MALRD1: variants seen among roughly 807,000 people sequenced by gnomAD.
MALRD1 encodes the protein MAM and LDL receptor class A domain containing 1.
A neutral mutation model predicts 242.1 loss-of-function variants in MALRD1; 247 were observed. That is an observed-to-expected ratio of 1.02 (90% CI 0.92 to 1.13). The LOEUF is 1.13. MALRD1 is among the 50% of genes most tolerant of loss of function. The pLI is 0.00. For missense variants in MALRD1, 2,989 were observed against 2,533.1 expected (o/e 1.18, Z -3.86); for synonymous variants, 995 against 866.6 (o/e 1.15, Z -2.60).
chr10:19,379,449 A>C (rs1289813160), intron 26 of MALRD1, among the ~76,000 whole-genome samples: 1 of 152,084 alleles, frequency 6.6e-6, no homozygotes, highest in African/African-American at 2.4e-5. Context: ...TGTTACCTGA[A>C]CTGCTTTACC....
rs1834663858 is a variant in MALRD1, at chr10:19,165,799, C to T, written c.1819C>T (p.Leu607=). The change falls in exon 13 of 40, where the codon CTA becomes TTA. Residue 607 remains leucine, a synonymous_variant. Transcript: ENST00000454679. The part of the protein sequence containing the change: ...DLIAEAGEST[L]PFQLILEATV... ...CATTGCAGAAGCGGGAGAATCTACT[C>T]TACCTTTTCAGGTAAGCACATACGA... The T allele has an allele frequency of 1.6e-6, 2 of 1,231,560 alleles. No homozygotes were observed. The highest frequency in any genetic ancestry group is 8.4e-5 in the Admixed American group (2 of 23,700). 76.3% of individuals were successfully genotyped at this position (1,231,560 alleles called of 1,614,324 possible). A position where few individuals can be genotyped will look rare whatever the true frequency, so the allele number is the denominator to read the frequency against.
chr10:19,104,516 A>G (rs148248812), intron 5 of MALRD1, among the ~76,000 whole-genome samples: 15 of 152,238 alleles, frequency 9.9e-5, no homozygotes, highest in African/African-American at 3.1e-4. Context: ...AACTACATAT[A>G]TCAGATATAA....
At chr10:19,348,916 T>A (rs1203895306) in intron 25 of MALRD1, among the ~76,000 whole-genome samples, 1 of 152,188 alleles carries the variant, frequency 6.6e-6, no homozygotes, top group Non-Finnish European at 1.5e-5. Flanking sequence ...TGTTCCCCAA[T>A]GTTTGACCTC....
Position 19,539,649 on chromosome 10 carries a change from C to T in MALRD1, c.5478+8298C>T, listed in dbSNP as rs577272243. On this transcript the variant is annotated intron_variant, in intron 32 of 39. Coordinates refer to ENST00000454679, the MANE Select transcript of MALRD1 (RefSeq NM_001142308.3). ...GTCTTACCAATAGTTGCCTGTGAGA[C>T]ATGCCACGCAATCCTTTTGTTCTGC... Among the ~76,000 whole-genome samples the T allele has an allele frequency of 3.3e-5, 5 of 152,018 alleles. No individual in the cohort carries two copies. The South Asian group carries it at 8.3e-4, about 25-fold the overall frequency.
chr10:19,077,645 A>G (rs1427501417), intron 2 of MALRD1, among the ~76,000 whole-genome samples: 2 of 151,944 alleles, frequency 1.3e-5, no homozygotes, highest in East Asian at 3.9e-4. Context: ...AGTAGACTCT[A>G]AATCTACTAT....
intron 36 of MALRD1, 35 bp from the exon 37 acceptor site, chr10:19,692,246 CT>C (rs34078441): frequency 6.8e-7 from 1 of 1,469,226 alleles, no homozygotes; most frequent in Admixed American, 2.1e-5. Flanking sequence ...TTTCACTTTT[CT>C]TTTTTCCAAC....
intron 36 of MALRD1, among the ~76,000 whole-genome samples, chr10:19,620,008 A>G (rs927242692): frequency 4.6e-5 from 2 of 43,684 alleles, no homozygotes; most frequent in Non-Finnish European, 1.3e-4. Context: ...TCCTGTCTCA[A>G]TAATAATAAT....
At chr10:19,304,442 T>C (rs1016744323) in intron 21 of MALRD1, among the ~76,000 whole-genome samples, 3 of 151,726 alleles carry the variant, frequency 2.0e-5, no homozygotes, top group African/African-American at 7.3e-5. Flanking sequence ...TTGACTAATA[T>C]AGCATATCCG....
At chr10:19,452,864 AC>A (rs2131051585) in intron 29 of MALRD1, among the ~76,000 whole-genome samples, 1 of 152,254 alleles carries the variant, frequency 6.6e-6, no homozygotes, top group South Asian at 2.1e-4. Context: ...CTTGAGTCAA[AC>A]TATGTGGGCA....
In MALRD1 at chr10:19,727,249, TC is replaced by T. The variant is rs1835069354; in HGVS notation, c.6315-3456del. On this transcript the variant is annotated intron_variant, in intron 38 of 39. Transcript: ENST00000454679. ...AAAATACAAAATATTCACCTCGAAG[TC>T]ATGTTTACTGGATGTAACATAGATT... Among the ~76,000 whole-genome samples, 3 of 152,326 alleles carry T rather than the reference TC, an allele frequency of 2.0e-5. No homozygotes were observed. In the South Asian group the frequency reaches 6.2e-4, roughly 32 times the overall value.
At chr10:19,247,127 A>T (rs1839092255) in intron 18 of MALRD1, among the ~76,000 whole-genome samples, 1 of 152,124 alleles carries the variant, frequency 6.6e-6, no homozygotes, top group Non-Finnish European at 1.5e-5. Context: ...AGTGCCTAGG[A>T]TCTCATGAAC....
chr10:19,633,339 G>A lies in MALRD1; in HGVS notation c.6137+17416G>A, dbSNP rs891658722. Reference sequence around the variant, plus strand: ...GGAGAAGCACGGTGTAATTAACTTCGAGGGGACTTCCCAGAGAGCATTGAT... The same window carrying A: ...GGAGAAGCACGGTGTAATTAACTTCAAGGGGACTTCCCAGAGAGCATTGAT... On this transcript the variant is annotated intron_variant, in intron 36 of 39. Transcript: ENST00000454679. Among the ~76,000 whole-genome samples, 4 of 152,150 alleles carry A rather than the reference G, an allele frequency of 2.6e-5. No homozygotes were observed. In the South Asian group the frequency reaches 8.3e-4, roughly 32 times the overall value.
chr10:19,114,144 A>C (rs1286838820), intron 5 of MALRD1, among the ~76,000 whole-genome samples: 2 of 152,316 alleles, frequency 1.3e-5, no homozygotes, highest in South Asian at 4.1e-4. Context: ...AGAATATTAT[A>C]TTATTTCTAG....
intron 36 of MALRD1, among the ~76,000 whole-genome samples, chr10:19,646,330 C>T (rs915320483): frequency 6.6e-6 from 1 of 152,066 alleles, no homozygotes; most frequent in Non-Finnish European, 1.5e-5. Context: ...AGGGCTCGGC[C>T]CAGTGGCTCA....
intron 32 of MALRD1, among the ~76,000 whole-genome samples, chr10:19,560,131 TTACTGGG>T (rs1433808432): frequency 6.6e-6 from 1 of 152,180 alleles, no homozygotes; most frequent in Non-Finnish European, 1.5e-5. Flanking sequence ...AGTCATCCCA[TTACTGGG>T]TATATACCCA....
At chr10:19,359,772 AAT>A (rs149664585) in intron 26 of MALRD1, among the ~76,000 whole-genome samples, 92,487 of 149,534 alleles carry the variant, frequency 0.62, 28,642 homozygotes, top group African/African-American at 0.69. Context: ...AAAAAAAAAT[AAT>A]TAAAGAACTC....
chr10:19,138,785 T>G (rs900658235), intron 10 of MALRD1, among the ~76,000 whole-genome samples: 3 of 152,194 alleles, frequency 2.0e-5, no homozygotes, highest in African/African-American at 7.2e-5. Context: ...TCATACTTTA[T>G]GTTCACCTTT....
Position 19,304,041 on chromosome 10 carries a change from T to C in MALRD1, c.3420-19908T>C, listed in dbSNP as rs80278954. On this transcript the variant is annotated intron_variant, in intron 21 of 39. Transcript: ENST00000454679. The stretch of plus-strand genomic sequence containing the variant: ...GGGGTAGCTGGTCAAGTGTTATGTC[T>C]GGGTATGTGAGGGTGTTTCTGGAAG... Among the ~76,000 whole-genome samples, 26 of 151,802 alleles carry C rather than the reference T, an allele frequency of 1.7e-4. No homozygotes were observed. In the East Asian group the frequency reaches 4.9e-3, roughly 28 times the overall value.
intron 32 of MALRD1, among the ~76,000 whole-genome samples, chr10:19,566,304 T>G (rs1366008755): frequency 7.2e-6 from 1 of 139,186 alleles, no homozygotes; most frequent in African/African-American, 2.6e-5. Context: ...GCTAATTTTT[T>G]TTTTTTTTTT....
Sources: gnomAD v4.1 joint callset for allele counts (sites outside exome capture counted in the v4.1 genomes callset) on GRCh38, gnomAD v4.1.1 for gene constraint, MANE v1.5 for transcripts, NCBI Gene and HGNC (gene_info 2026-07-23, HGNC 2026-07-21) for gene names.